LIPA: variants seen among roughly 807,000 people sequenced by gnomAD.
LIPA encodes lysosomal acid lipase/cholesteryl ester hydrolase.
Under a neutral mutation model 40.6 loss-of-function variants are expected in LIPA, and 26 were observed. That is an observed-to-expected ratio of 0.64 (90% CI 0.47 to 0.89). LIPA has a LOEUF of 0.89. Among genes scored for constraint, LIPA ranks in the 40% least tolerant of loss-of-function variants. The pLI, the probability that LIPA is intolerant of heterozygous loss-of-function variation, is 0.00. For synonymous variants in LIPA, 188 were observed against 168.4 expected (o/e 1.12, Z -0.90); for missense variants, 455 against 479.6 (o/e 0.95, Z 0.48).
chr10:89,235,651 C>T (rs111709511), intron 3 of LIPA, among the ~76,000 whole-genome samples: 237 of 152,294 alleles, frequency 1.6e-3, no homozygotes, highest in African/African-American at 5.3e-3. Context: ...ATGCTGAGTC[C>T]GGACAGGACT....
At chr10:89,411,400 T>G (rs1841468241) in intron 2 of LIPA, among the ~76,000 whole-genome samples, 1 of 152,230 alleles carries the variant, frequency 6.6e-6, no homozygotes, top group South Asian at 2.1e-4. Flanking sequence ...CTGTTTGCAC[T>G]CAGCCAAACC....
At chr10:89,253,211 T>C (rs1257375510), upstream of LIPA, among the ~76,000 whole-genome samples, 1 of 152,102 alleles carries the variant, frequency 6.6e-6, no homozygotes, top group African/African-American at 2.4e-5. Flanking sequence ...GGAGACTAAT[T>C]AGAAGGTGTA....
intron 2 of LIPA, among the ~76,000 whole-genome samples, chr10:89,348,416 A>G (rs865947046): frequency 6.6e-6 from 1 of 152,200 alleles, no homozygotes; most frequent in Non-Finnish European, 1.5e-5. Flanking sequence ...GTGTATACAA[A>G]AAGGACAAAA....
At chr10:89,355,612 G>T (rs1009587641) in intron 2 of LIPA, among the ~76,000 whole-genome samples, 4 of 152,204 alleles carry the variant, frequency 2.6e-5, no homozygotes, top group Non-Finnish European at 4.4e-5. Flanking sequence ...ACTCCCAAGA[G>T]CTTAGGCATT....
intron 2 of LIPA, among the ~76,000 whole-genome samples, chr10:89,368,809 C>G (rs1404139165): frequency 6.6e-6 from 1 of 152,068 alleles, no homozygotes; most frequent in East Asian, 1.9e-4. Flanking sequence ...AGAAAAAAAT[C>G]TGGAGGAGTC....
chr10:89,360,289 T>G (rs147492193), intron 2 of LIPA, among the ~76,000 whole-genome samples: 1 of 152,300 alleles, frequency 6.6e-6, no homozygotes, highest in East Asian at 1.9e-4. Context: ...GAGGAAAAGA[T>G]GGCCCATGTT....
At chr10:89,405,253 C>T (rs1215119829) in intron 2 of LIPA, 1 of 152,022 alleles carries the variant, frequency 6.6e-6, no homozygotes, top group Non-Finnish European at 1.5e-5. Context: ...AAGTCATTTG[C>T]TGATATTAAT....
At chr10:89,240,938 A>T (rs1401744467) in intron 3 of LIPA, among the ~76,000 whole-genome samples, 1 of 152,220 alleles carries the variant, frequency 6.6e-6, no homozygotes, top group African/African-American at 2.4e-5. Context: ...AAAAGTCTTC[A>T]TCCCCGCAGA....
Position 89,228,216 on chromosome 10 carries a change from C to A in LIPA, c.412G>T (p.Glu138Ter), listed in dbSNP as rs1226852302. Residue 138 changes from glutamate to a stop codon, truncating the protein, a stop_gained, in exon 4 of 10, where the codon GAA becomes TAA. Transcript: ENST00000336233. LOFTEE classifies it high-confidence loss of function. Reference sequence around the variant, plus strand: ...CATATATACCTGAAAGCCCAGAATTCATCCTGAGAAACTGAGAGTGTCTTA... The same window carrying A: ...CATATATACCTGAAAGCCCAGAATTAATCCTGAGAAACTGAGAGTGTCTTA... ...KHKTLSVSQD[E>*]FWAFSYDEMA... 1 of 1,613,910 alleles carries A rather than the reference C, an allele frequency of 6.2e-7. No homozygotes were observed. The highest frequency in any genetic ancestry group is 8.5e-7 in the Non-Finnish European group (1 of 1,179,802).
At chr10:89,405,891 T>C (rs1844521925) in intron 2 of LIPA, 1 of 151,840 alleles carries the variant, frequency 6.6e-6, no homozygotes, top group Admixed American at 6.6e-5. Flanking sequence ...ATGGATACGA[T>C]TGCGGGGGGG....
At chr10:89,290,025 C>T (rs1843364891) in intron 1 of LIPA, among the ~76,000 whole-genome samples, 1 of 151,380 alleles carries the variant, frequency 6.6e-6, no homozygotes, top group Admixed American at 6.6e-5. Flanking sequence ...TATATTTTCA[C>T]ATGAAGAGTG....
chr10:89,265,581 C>A (rs912789769), intron 1 of LIPA, among the ~76,000 whole-genome samples: 7 of 152,150 alleles, frequency 4.6e-5, no homozygotes, highest in Non-Finnish European at 8.8e-5. Flanking sequence ...ATTTTACTTT[C>A]CTTTTACATT....
intron 1 of LIPA, among the ~76,000 whole-genome samples, chr10:89,336,849 TCC>T (rs1010022531): frequency 2.0e-5 from 3 of 152,166 alleles, no homozygotes; most frequent in African/African-American, 7.2e-5. Context: ...GTGCCGTGAC[TCC>T]ACTGGTAAGA....
chr10:89,408,198 T>C (rs1359857398), intron 2 of LIPA, among the ~76,000 whole-genome samples: 1 of 152,172 alleles, frequency 6.6e-6, no homozygotes, highest in Non-Finnish European at 1.5e-5. Flanking sequence ...AAGAGGTGGC[T>C]CATTTTTTTC....
chr10:89,265,743 A>G (rs1001785294), intron 1 of LIPA, among the ~76,000 whole-genome samples: 1 of 152,208 alleles, frequency 6.6e-6, no homozygotes, highest in Non-Finnish European at 1.5e-5. Context: ...CTCCTCCTAA[A>G]TTGCAAGTTC....
chr10:89,217,573 A>G lies in LIPA; in HGVS notation c.895-1564T>C, dbSNP rs528498975. On this transcript the variant is annotated intron_variant, in intron 8 of 9. Transcript: ENST00000336233. ...GAATACAAAGGTGAAACTTGCCTAT[A>G]GCTCAGACTGAAGTTCTAAATTTGA... 3.3e-5 allele frequency among the ~76,000 whole-genome samples: 5 copies of G among 152,354 alleles called. No homozygotes were observed. In the South Asian group the frequency reaches 1.0e-3, roughly 32 times the overall value.
At chr10:89,301,522 T>C (rs1843445032) in intron 1 of LIPA, among the ~76,000 whole-genome samples, 1 of 152,176 alleles carries the variant, frequency 6.6e-6, no homozygotes, top group Non-Finnish European at 1.5e-5. Flanking sequence ...AAGAGGAAGT[T>C]CTTCTAACTC....
upstream of LIPA, chr10:89,414,583 G>A (rs1038612758): frequency 2.1e-6 from 1 of 465,686 alleles, no homozygotes; most frequent in African/African-American, 2.0e-5. Context: ...CTGAGCGCTC[G>A]GCATCTGATT....
At chr10:89,410,679 C>T (rs1381848681) in intron 2 of LIPA, among the ~76,000 whole-genome samples, 2 of 152,266 alleles carry the variant, frequency 1.3e-5, no homozygotes, top group African/African-American at 2.4e-5. Context: ...TCTAATCCTA[C>T]ATGCCCATGC....
Sources: allele counts gnomAD v4.1 joint callset (sites outside exome capture counted in the v4.1 genomes callset), GRCh38; gene constraint gnomAD v4.1.1; transcripts MANE v1.5; gene names NCBI Gene and HGNC (gene_info 2026-07-23, HGNC 2026-07-21).